The following GRIK3 variants were observed in gnomAD, a reference collection of about 807,000 sequenced individuals.
GRIK3 encodes glutamate ionotropic receptor kainate type subunit 3.
A neutral mutation model predicts 102.5 loss-of-function variants in GRIK3; 29 were observed. That is an observed-to-expected ratio of 0.28 (90% CI 0.21 to 0.39). The LOEUF (loss-of-function observed/expected upper bound fraction) is 0.39, where lower values mean the gene tolerates loss of function less well. Ranked by LOEUF, GRIK3 falls within the 10% of genes least tolerant of loss-of-function variation. The pLI is 1.00. For missense variants in GRIK3, 908 were observed against 1,252.4 expected (o/e 0.73, Z 4.15); for synonymous variants, 511 against 504.9 (o/e 1.01, Z -0.16).
intron 1 of GRIK3, among the ~76,000 whole-genome samples, chr1:37,032,664 G>GCCT (rs1642840867): frequency 6.6e-6 from 1 of 152,188 alleles, no homozygotes; most frequent in East Asian, 1.9e-4. Context: ...GGCCTCCTCT[G>GCCT]CCTCCGGTGC....
chr1:36,920,925 C>T (rs1396223886), intron 1 of GRIK3, among the ~76,000 whole-genome samples: 1 of 152,246 alleles, frequency 6.6e-6, no homozygotes, highest in Non-Finnish European at 1.5e-5. Context: ...ATGCCTGCTG[C>T]CTCCCGCCCC....
chr1:36,869,974 G>A (rs577033834), intron 4 of GRIK3, among the ~76,000 whole-genome samples, 173 bp from the exon 5 acceptor site: 3 of 152,364 alleles, frequency 2.0e-5, no homozygotes, highest in African/African-American at 7.2e-5. Flanking sequence ...CTGGCAGACA[G>A]CAGTGGATTT....
At chr1:36,968,060 G>A (rs1642098358) in intron 1 of GRIK3, among the ~76,000 whole-genome samples, 1 of 152,140 alleles carries the variant, frequency 6.6e-6, no homozygotes, top group Non-Finnish European at 1.5e-5. Flanking sequence ...CTGGGGTTCT[G>A]TGATGGTGGC....
intron 10 of GRIK3, among the ~76,000 whole-genome samples, chr1:36,837,607 T>A (rs1263002013): frequency 3.3e-5 from 5 of 152,132 alleles, no homozygotes; most frequent in African/African-American, 1.2e-4. Flanking sequence ...TGTCACCCCC[T>A]GGCTCCACTT....
At chr1:36,993,134 T>C (rs1269522798) in intron 1 of GRIK3, among the ~76,000 whole-genome samples, 1 of 152,108 alleles carries the variant, frequency 6.6e-6, no homozygotes, top group Non-Finnish European at 1.5e-5. Context: ...GAGGTGACCA[T>C]ACATGGCAAA....
chr1:37,018,981 A>G (rs1403945635), intron 1 of GRIK3, among the ~76,000 whole-genome samples: 3 of 152,190 alleles, frequency 2.0e-5, no homozygotes, highest in Non-Finnish European at 4.4e-5. Context: ...CTTCCAAGCT[A>G]GATTTTCCCT....
rs939162627 is a variant in GRIK3, at chr1:36,925,399, G to A, written c.116-34303C>T. Among the ~76,000 whole-genome samples, 10 of 152,238 alleles carry A rather than the reference G, an allele frequency of 6.6e-5. No homozygotes were observed. The East Asian group carries it at 1.3e-3, about 20-fold the overall frequency. Reference sequence around the variant, plus strand: ...ATACAATGCCCCAGTGAGCCAGTTCGTGCCCTCGGAGCCTTTCCCCTGAAA... The same window carrying A: ...ATACAATGCCCCAGTGAGCCAGTTCATGCCCTCGGAGCCTTTCCCCTGAAA... On this transcript the variant is annotated intron_variant, in intron 1 of 15. Coordinates refer to ENST00000373091, the MANE Select transcript of GRIK3 (RefSeq NM_000831.4).
chr1:36,879,309 C>T lies in GRIK3; in HGVS notation c.550+1325G>A, dbSNP rs75916589. Among the ~76,000 whole-genome samples the T allele has an allele frequency of 9.7e-3, 1,468 of 151,876 alleles. 59 individuals are homozygous for T. In the East Asian group the frequency reaches 0.11, roughly 12 times the overall value. ...AGGAGTTGGAGACCAGCCTGGGCAA[C>T]GTAGCCAGAACTTGGCTCTACAAAA... is the stretch of plus-strand genomic sequence containing the variant. On this transcript the variant is annotated intron_variant, in intron 3 of 15. Coordinates refer to ENST00000373091, the MANE Select transcript of GRIK3 (RefSeq NM_000831.4).
intron 10 of GRIK3, among the ~76,000 whole-genome samples, chr1:36,838,738 C>T (rs1201952016): frequency 6.6e-6 from 1 of 152,168 alleles, no homozygotes; most frequent in Non-Finnish European, 1.5e-5. Flanking sequence ...ACATTCAGAT[C>T]CCTAATAAGG....
At chr1:36,936,240 C>T (rs771463086) in intron 1 of GRIK3, among the ~76,000 whole-genome samples, 2 of 152,166 alleles carry the variant, frequency 1.3e-5, no homozygotes, top group Non-Finnish European at 1.5e-5. Context: ...ATCATCCCCC[C>T]ATCCTGGAGG....
chr1:36,911,995 C>T (rs1641350693), intron 1 of GRIK3, among the ~76,000 whole-genome samples: 1 of 152,142 alleles, frequency 6.6e-6, no homozygotes, highest in Admixed American at 6.5e-5. Flanking sequence ...CTCCCTTAGC[C>T]TGGTGTTTGG....
chr1:36,893,057 G>C (rs1429996299), intron 1 of GRIK3, among the ~76,000 whole-genome samples: 2 of 152,158 alleles, frequency 1.3e-5, no homozygotes, highest in African/African-American at 4.8e-5. Flanking sequence ...AAATGGGTAA[G>C]GGGAGGAGCA....
At chr1:36,940,150 G>A (rs975448378) in intron 1 of GRIK3, among the ~76,000 whole-genome samples, 2 of 152,216 alleles carry the variant, frequency 1.3e-5, no homozygotes, top group East Asian at 1.9e-4. Flanking sequence ...ATACTGTGAC[G>A]CTCAGCATCT....
chr1:36,936,944 C>A (rs1463365947), intron 1 of GRIK3, among the ~76,000 whole-genome samples: 4 of 152,070 alleles, frequency 2.6e-5, no homozygotes, highest in African/African-American at 9.7e-5. Context: ...CTGGATACAA[C>A]AACAGGTGCG....
At chr1:36,905,659 T>C (rs1347245367) in intron 1 of GRIK3, among the ~76,000 whole-genome samples, 1 of 152,218 alleles carries the variant, frequency 6.6e-6, no homozygotes, top group East Asian at 1.9e-4. Context: ...GAAGGATTTG[T>C]ACCAAAATGT....
At chr1:36,839,869 C>T (rs1332966296) in intron 10 of GRIK3, among the ~76,000 whole-genome samples, 2 of 152,148 alleles carry the variant, frequency 1.3e-5, no homozygotes, top group Non-Finnish European at 2.9e-5. Flanking sequence ...GCCTTGAGCT[C>T]CAGCCTCCCT....
intron 1 of GRIK3, among the ~76,000 whole-genome samples, chr1:36,901,757 G>T (rs1363987290): frequency 1.3e-5 from 2 of 152,192 alleles, no homozygotes; most frequent in Non-Finnish European, 2.9e-5. Context: ...AAGAAATTCA[G>T]ATTGGGGAGG....
At chr1:36,859,315 C>A in intron 6 of GRIK3, 64 bp from the exon 7 acceptor site, 1 of 1,519,772 alleles carries the variant, frequency 6.6e-7, no homozygotes. Context: ...CCACCCTGCC[C>A]TGTCCCCCTT....
intron 1 of GRIK3, among the ~76,000 whole-genome samples, chr1:36,931,034 C>T (rs567435426): frequency 5.5e-4 from 83 of 152,278 alleles, no homozygotes; most frequent in African/African-American, 1.7e-3. Flanking sequence ...AGGTGCGGGG[C>T]CTGCCTTTCT....
Sources: allele counts gnomAD v4.1 joint callset (sites outside exome capture counted in the v4.1 genomes callset), GRCh38; gene constraint gnomAD v4.1.1; transcripts MANE v1.5; gene names NCBI Gene and HGNC (gene_info 2026-07-23, HGNC 2026-07-21).